Variants in MRNIP observed in about 807,000 individuals in gnomAD.
MRNIP encodes the protein MRN complex interacting protein.
A neutral mutation model predicts 29.8 loss-of-function variants in MRNIP; 30 were observed. That is an observed-to-expected ratio of 1.01 (90% CI 0.75 to 1.36). The LOEUF is 1.36. MRNIP is among the 40% of genes most tolerant of loss of function. The pLI, the probability that MRNIP is intolerant of heterozygous loss-of-function variation, is 0.00. For synonymous variants in MRNIP, 201 were observed against 164.1 expected (o/e 1.23, Z -1.72); for missense variants, 459 against 423.5 (o/e 1.08, Z -0.74).
chr5:179,842,641 A>C (rs1377988976), intron 4 of MRNIP, among the ~76,000 whole-genome samples: 1 of 130,662 alleles, frequency 7.7e-6, no homozygotes, highest in Non-Finnish European at 1.6e-5. Flanking sequence ...CGGGGCCTGC[A>C]GTGAGCCGAG....
chr5:179,842,699 CAAAAAAAAAAAAAAA>C (rs58952171), intron 4 of MRNIP, among the ~76,000 whole-genome samples: 5 of 28,998 alleles, frequency 1.7e-4, no homozygotes, highest in South Asian at 2.8e-3. Context: ...GACTCCGTCT[CAAAAAAAAAAAAAAA>C]AAAAAAAAAA....
chr5:179,856,229 A>G (rs115162365), intron 1 of MRNIP, among the ~76,000 whole-genome samples: 2,800 of 152,088 alleles, frequency 0.018, 98 homozygotes, highest in African/African-American at 0.065. Context: ...TTAAAAGTTT[A>G]GGACTCACAG....
chr5:179,849,132 C>G (rs373934898), intron 2 of MRNIP, among the ~76,000 whole-genome samples: 1 of 142,904 alleles, frequency 7.0e-6, no homozygotes, highest in East Asian at 2.1e-4. Flanking sequence ...CCTGCTATGG[C>G]ACAGGCAGAT....
At chr5:179,842,947 T>C (rs1307550197) in intron 4 of MRNIP, among the ~76,000 whole-genome samples, 4 of 150,886 alleles carry the variant, frequency 2.7e-5, no homozygotes, top group South Asian at 2.1e-4. Context: ...GCAGGAGAAT[T>C]GCTTGAACTC....
chr5:179,837,421 T>C lies in MRNIP; in HGVS notation c.1002A>G (p.Ile334Met), dbSNP rs1357734065. The C allele has an allele frequency of 6.2e-7, 1 of 1,603,262 alleles. No homozygotes were observed. The highest frequency in any genetic ancestry group is 1.3e-5 in the African/African-American group (1 of 74,556). Residue 334 changes from isoleucine to methionine, a missense_variant, in exon 7 of 7, where the codon ATA becomes ATG. By Grantham distance (10) the Ile-to-Met change is conservative (BLOSUM62 1). Coordinates refer to ENST00000292586, the MANE Select transcript of MRNIP (RefSeq NM_016175.4). ...CATCATCATCGAAGTCTTCCCCAGTTATAAAGAGGTCACATAGTCGTGTGG... is the reference window on the plus strand; with the variant it reads ...CATCATCATCGAAGTCTTCCCCAGTCATAAAGAGGTCACATAGTCGTGTGG... The part of the protein sequence containing the change: ...PRPTRLCDLF[I>M]TGEDFDDDV
At chr5:179,842,810 G>C (rs755335111) in intron 4 of MRNIP, among the ~76,000 whole-genome samples, 1 of 150,608 alleles carries the variant, frequency 6.6e-6, no homozygotes, top group Non-Finnish European at 1.5e-5. Context: ...AGGCGGGCGG[G>C]TCACCTGAGC....
intron 6 of MRNIP, chr5:179,838,630 C>T (rs1432965571): frequency 6.6e-6 from 1 of 152,314 alleles, no homozygotes; most frequent in African/African-American, 2.4e-5. Context: ...GAGCCGAAAT[C>T]ACGCCATTCC....
At chr5:179,840,774 G>T in intron 6 of MRNIP, 98 bp downstream of exon 6, 2 of 915,344 alleles carry the variant, frequency 2.2e-6, no homozygotes, top group Non-Finnish European at 1.7e-6. Flanking sequence ...CTTTCTGCGG[G>T]TAGGAATCGC....
In MRNIP at chr5:179,841,741, G is replaced by A. The variant is rs1268234446; in HGVS notation, c.449+166C>T. The stretch of plus-strand genomic sequence containing the variant: ...CACCAGCAGTGCCCAATGCCCAGGT[G>A]GGCTGTGGGGCCAGCAGTGGCAGCA... On this transcript the variant is annotated intron_variant, in intron 5 of 6. Transcript: ENST00000292586. 4 of 705,672 alleles carry A rather than the reference G, an allele frequency of 5.7e-6. No homozygotes were observed. The East Asian group carries it at 1.0e-4, about 18-fold the overall frequency. The allele number at this position is 705,672 out of a possible 1,614,324, so 43.7% of individuals were successfully genotyped here. A position where few individuals can be genotyped will look rare whatever the true frequency, so the allele number is the denominator to read the frequency against.
intron 4 of MRNIP, among the ~76,000 whole-genome samples, chr5:179,842,502 A>G (rs937198979): frequency 6.7e-6 from 1 of 148,816 alleles, no homozygotes; most frequent in Non-Finnish European, 1.5e-5. Context: ...AATACGGTGA[A>G]ACCCCGTCTC....
At chr5:179,845,438 T>C (rs1314464024) in intron 3 of MRNIP, among the ~76,000 whole-genome samples, 2 of 151,996 alleles carry the variant, frequency 1.3e-5, no homozygotes, top group Non-Finnish European at 2.9e-5. Context: ...CATGAGCCAC[T>C]GCACCCGGCC....
chr5:179,838,127 A>C, intron 6 of MRNIP: 6 of 577,428 alleles, frequency 1.0e-5, no homozygotes, highest in Non-Finnish European at 1.9e-5. Flanking sequence ...AGACATTCTC[A>C]TGTCATCAGG....
intron 3 of MRNIP, chr5:179,847,733 C>T (rs1452416199): frequency 7.0e-6 from 3 of 429,202 alleles, no homozygotes; most frequent in African/African-American, 6.2e-5. Flanking sequence ...AACCACAGGT[C>T]TGGACCTCAT....
chr5:179,855,674 A>C (rs545802247), intron 1 of MRNIP, among the ~76,000 whole-genome samples: 2 of 152,322 alleles, frequency 1.3e-5, no homozygotes, highest in South Asian at 2.1e-4. Flanking sequence ...ATCATGTTTA[A>C]CACCACAAAG....
At chr5:179,842,914 T>C (rs1457497915) in intron 4 of MRNIP, among the ~76,000 whole-genome samples, 1 of 151,588 alleles carries the variant, frequency 6.6e-6, no homozygotes. Context: ...GTGCCTGTAA[T>C]CCCAGCTTCT....
At chr5:179,843,041 A>AGAAGAGGAAG (rs1554093091) in intron 4 of MRNIP, among the ~76,000 whole-genome samples, 3 of 106,290 alleles carry the variant, frequency 2.8e-5, no homozygotes, top group East Asian at 6.0e-4. Flanking sequence ...AAAGGAGGAA[A>AGAAGAGGAAG]GAAGGAAGGA....
chr5:179,844,013 G>A, intron 4 of MRNIP, 139 bp downstream of exon 4: 4 of 698,820 alleles, frequency 5.7e-6, no homozygotes, highest in Admixed American at 4.8e-5. Context: ...TTATTTTTGT[G>A]TTCCCTGCAG....
chr5:179,844,797 G>A (rs939283680), intron 3 of MRNIP, among the ~76,000 whole-genome samples: 5 of 152,156 alleles, frequency 3.3e-5, no homozygotes, highest in African/African-American at 9.7e-5. Context: ...AATTTTGTAT[G>A]TTGACCTTGT....
In MRNIP at chr5:179,858,789, G is replaced by C; in HGVS notation, c.8C>G (p.Ser3Trp). The C allele has an allele frequency of 6.5e-7, 1 of 1,540,562 alleles. No homozygotes were observed. The highest frequency in any genetic ancestry group is 2.0e-5 in the Admixed American group (1 of 50,416). The change falls in exon 1 of 7, where the codon TCG becomes TGG. Residue 3 changes from serine to tryptophan, a missense_variant. By Grantham distance (177) the Ser-to-Trp change is radical. Coordinates refer to ENST00000292586, the MANE Select transcript of MRNIP (RefSeq NM_016175.4). The stretch of plus-strand genomic sequence containing the variant: ...GCGTAGCACCCGAGAACGCTGAAGC[G>C]ACGCCATCCCTGCTTGTGCAGTCGC... The part of the protein sequence containing the change: MA[S>W]LQRSRVLRCC...
Sources: gnomAD v4.1 joint callset for allele counts (sites outside exome capture counted in the v4.1 genomes callset) on GRCh38, gnomAD v4.1.1 for gene constraint, MANE v1.5 for transcripts, NCBI Gene and HGNC (gene_info 2026-07-23, HGNC 2026-07-21) for gene names.